PDZRN4: variants seen among roughly 807,000 people sequenced by gnomAD.
PDZRN4 encodes PDZ domain-containing RING finger protein 4.
Under a neutral mutation model 99.0 loss-of-function variants are expected in PDZRN4, and 70 were observed. The ratio of observed to expected loss-of-function variants is 0.71; its 90% CI spans 0.58 to 0.86. The LOEUF is 0.86. Among genes scored for constraint, PDZRN4 ranks in the 40% least tolerant of loss-of-function variants. The pLI is 0.00. For synonymous variants in PDZRN4, 551 were observed against 501.6 expected (o/e 1.10, Z -1.32); for missense variants, 1,474 against 1,331.2 (o/e 1.11, Z -1.67).
intron 3 of PDZRN4, among the ~76,000 whole-genome samples, chr12:41,484,202 T>C (rs1156983035): frequency 2.0e-5 from 3 of 152,102 alleles, no homozygotes; most frequent in African/African-American, 7.2e-5. Context: ...AGGGACAAGG[T>C]GAAATTGAGA....
chr12:41,274,135 T>C (rs981491647), intron 3 of PDZRN4, among the ~76,000 whole-genome samples: 7 of 152,136 alleles, frequency 4.6e-5, no homozygotes, highest in Admixed American at 1.3e-4. Flanking sequence ...AGTGGTAGAA[T>C]AAATTGTAGC....
chr12:41,509,821 C>G lies in PDZRN4; in HGVS notation c.1111C>G (p.Leu371Val), dbSNP rs1412993224. 6.4e-7 allele frequency: 1 copy of G among 1,560,682 alleles called. No individual in the cohort carries two copies. The highest frequency in any genetic ancestry group is 8.8e-7 in the Non-Finnish European group (1 of 1,135,978). The change falls in exon 5 of 10, where the codon CTA becomes GTA. Residue 371 changes from leucine to valine, a missense_variant. Coordinates refer to ENST00000402685, the MANE Select transcript of PDZRN4 (RefSeq NM_001164595.2). Reference protein sequence around the residue: ...PFLLSDSCHSLHPMEHEFYED... With the variant: ...PFLLSDSCHSVHPMEHEFYED... ...CTACATTCCCCATAGCTGCCATTCT[C>G]TACATCCAATGGAGCATGAATTTTA... is the stretch of plus-strand genomic sequence containing the variant.
chr12:41,415,284 A>G (rs1952434948), intron 3 of PDZRN4, among the ~76,000 whole-genome samples: 1 of 151,164 alleles, frequency 6.6e-6, no homozygotes, highest in Non-Finnish European at 1.5e-5. Flanking sequence ...ATTGAAATAT[A>G]TTTAGGAGGA....
chr12:41,257,197 A>T (rs1951209547), intron 3 of PDZRN4, among the ~76,000 whole-genome samples: 1 of 152,210 alleles, frequency 6.6e-6, no homozygotes, highest in African/African-American at 2.4e-5. Context: ...TAAGATAAGC[A>T]TAACTACTTA....
At chr12:41,197,149 C>T (rs1340043624) in intron 3 of PDZRN4, among the ~76,000 whole-genome samples, 1 of 152,026 alleles carries the variant, frequency 6.6e-6, no homozygotes, top group African/African-American at 2.4e-5. Context: ...TGCACACATA[C>T]AAGTTTATGA....
chr12:41,254,912 C>G (rs1240857622), intron 3 of PDZRN4, among the ~76,000 whole-genome samples: 1 of 151,812 alleles, frequency 6.6e-6, no homozygotes, highest in Non-Finnish European at 1.5e-5. Context: ...ACAGGGAGAC[C>G]CAGTATCTAC....
At chr12:41,197,920 G>GTTTTGTTTTTTTTTT (rs1555215722) in intron 3 of PDZRN4, among the ~76,000 whole-genome samples, 5 of 115,602 alleles carry the variant, frequency 4.3e-5, no homozygotes, top group South Asian at 3.0e-4. Flanking sequence ...TTTTTTCTGG[G>GTTTTGTTTTTTTTTT]TTTTTTTTTT....
intron 3 of PDZRN4, among the ~76,000 whole-genome samples, chr12:41,500,449 T>C (rs961551046): frequency 4.6e-5 from 7 of 152,106 alleles, no homozygotes; most frequent in African/African-American, 1.7e-4. Context: ...ATTATAGCAC[T>C]GTCCAAAGCG....
At chr12:41,433,142 C>A (rs1403934280) in intron 3 of PDZRN4, among the ~76,000 whole-genome samples, 6 of 152,154 alleles carry the variant, frequency 3.9e-5, no homozygotes, top group Admixed American at 1.3e-4. Context: ...AACCACAAGC[C>A]ATTCCCTTTA....
intron 7 of PDZRN4, 63 bp downstream of exon 7, chr12:41,555,823 G>A: frequency 7.6e-7 from 1 of 1,315,152 alleles, no homozygotes; most frequent in East Asian, 2.3e-5. Flanking sequence ...ATTTTACTTT[G>A]TTTCTTGTAA....
intron 3 of PDZRN4, among the ~76,000 whole-genome samples, chr12:41,502,021 C>T (rs557198843): frequency 1.3e-5 from 2 of 152,254 alleles, no homozygotes; most frequent in African/African-American, 4.8e-5. Flanking sequence ...GGGACAACCA[C>T]ATGTCACTGT....
chr12:41,475,169 C>T (rs1396497115), intron 3 of PDZRN4, among the ~76,000 whole-genome samples: 1 of 152,106 alleles, frequency 6.6e-6, no homozygotes, highest in East Asian at 1.9e-4. Flanking sequence ...CACCCAGTAA[C>T]ATAATAGATG....
chr12:41,312,672 A>G lies in PDZRN4; in HGVS notation c.843+118484A>G, dbSNP rs187991141. ...GGGAACTCCCCTTTATAAAACCATC[A>G]GATCTCGTGAGACTTATTCACTATT... On this transcript the variant is annotated intron_variant, in intron 3 of 9. Transcript: ENST00000402685. Among the ~76,000 whole-genome samples, 220 of 152,264 alleles carry G rather than the reference A, an allele frequency of 1.4e-3. 1 individual carries two copies. The highest frequency in any genetic ancestry group is 4.7e-3 in the African/African-American group (194 of 41,550).
At chr12:41,201,466 G>A (rs1455829984) in intron 3 of PDZRN4, among the ~76,000 whole-genome samples, 1 of 151,990 alleles carries the variant, frequency 6.6e-6, no homozygotes, top group Non-Finnish European at 1.5e-5. Flanking sequence ...CCCAACAAAT[G>A]TATGGGTTTC....
rs560825944 is a variant in PDZRN4 at position 41,411,180 on chromosome 12, C to T, written c.844-95276C>T. On this transcript the variant is annotated intron_variant, in intron 3 of 9. Coordinates refer to ENST00000402685, the MANE Select transcript of PDZRN4 (RefSeq NM_001164595.2). ...CCTCCCAAAGTGCTAGGATTATAGG[C>T]ATGAGCCACCGTGCCCAGCCTAGCA... is the stretch of plus-strand genomic sequence containing the variant. 4.6e-5 allele frequency among the ~76,000 whole-genome samples: 7 copies of T among 152,080 alleles called. No individual in the cohort carries two copies. The South Asian group carries it at 1.5e-3, about 32-fold the overall frequency.
At chr12:41,415,503 A>G (rs1952437293) in intron 3 of PDZRN4, among the ~76,000 whole-genome samples, 1 of 152,052 alleles carries the variant, frequency 6.6e-6, no homozygotes, top group Non-Finnish European at 1.5e-5. Flanking sequence ...ATGAACAAAC[A>G]TCTTGGCCTA....
chr12:41,562,648 T>G (rs1939289795), intron 7 of PDZRN4, among the ~76,000 whole-genome samples: 1 of 151,980 alleles, frequency 6.6e-6, no homozygotes, highest in South Asian at 2.1e-4. Context: ...AAGGAAAAAG[T>G]TTTATTAATT....
chr12:41,573,920 T>G lies in PDZRN4; in HGVS notation c.*30T>G. ...ATGAATGGAATGCATGCGACTGATT[T>G]TAGGAGGATGCTACCAGTTTCGGTA... On this transcript the variant is annotated 3_prime_UTR_variant, in exon 10 of 10. Coordinates refer to ENST00000402685, the MANE Select transcript of PDZRN4 (RefSeq NM_001164595.2). 1 of 1,452,332 alleles carries G rather than the reference T, an allele frequency of 6.9e-7. No individual in the cohort carries two copies. The highest frequency in any genetic ancestry group is 1.4e-5 in the African/African-American group (1 of 70,704). 90.0% of individuals were successfully genotyped at this position (1,452,332 alleles called of 1,614,324 possible).
intron 6 of PDZRN4, among the ~76,000 whole-genome samples, chr12:41,555,039 T>G (rs1939124332): frequency 7.7e-6 from 1 of 129,664 alleles, no homozygotes; most frequent in Non-Finnish European, 1.6e-5. Context: ...AAACCCCATC[T>G]CTACTAAAAA....
Sources: gnomAD v4.1 joint callset for allele counts (sites outside exome capture counted in the v4.1 genomes callset) on GRCh38, gnomAD v4.1.1 for gene constraint, MANE v1.5 for transcripts, NCBI Gene and HGNC (gene_info 2026-07-23, HGNC 2026-07-21) for gene names.